PRICKLE1: variants seen among roughly 807,000 people sequenced by gnomAD.
The protein encoded by PRICKLE1 is prickle planar cell polarity protein 1.
Under a neutral mutation model 70.2 loss-of-function variants are expected in PRICKLE1, and 14 were observed. The ratio of observed to expected loss-of-function variants is 0.20; its 90% CI spans 0.13 to 0.31. The LOEUF is 0.31. PRICKLE1 is among the 10% of genes least tolerant of loss of function. The probability of loss-of-function intolerance (pLI) is 1.00; values close to 1 mark genes in which losing one functional copy is unlikely to be tolerated. For synonymous variants in PRICKLE1, 357 were observed against 379.9 expected, an observed-to-expected ratio of 0.94 and a Z score of 0.70; for missense variants, 821 against 1,026.2, an observed-to-expected ratio of 0.80 and a Z score of 2.73.
chr12:42,563,568 TGATGGGCACCTGTAGTCCCAGCTACTCAG>T (rs1480406861), intron 1 of PRICKLE1, among the ~76,000 whole-genome samples: 1 of 150,572 alleles, frequency 6.6e-6, no homozygotes, highest in Non-Finnish European at 1.5e-5. Flanking sequence ...CCAGGCGTGG[TGATGGGCACCTGTAGTCCCAGCTACTCAG>T]GAGGCTGAGG....
At chr12:42,541,224 A>G (rs900684075) in intron 1 of PRICKLE1, among the ~76,000 whole-genome samples, 1 of 152,212 alleles carries the variant, frequency 6.6e-6, no homozygotes, top group Non-Finnish European at 1.5e-5. Context: ...TATATGCATA[A>G]TTTATACTAT....
chr12:42,544,005 G>A (rs543355390), intron 1 of PRICKLE1, among the ~76,000 whole-genome samples: 1 of 152,322 alleles, frequency 6.6e-6, no homozygotes, highest in Admixed American at 6.5e-5. Flanking sequence ...TTAAGTGGAA[G>A]TGGATAATCA....
intron 1 of PRICKLE1, among the ~76,000 whole-genome samples, chr12:42,530,832 G>A (rs2120542265): frequency 6.6e-6 from 1 of 150,824 alleles, no homozygotes; most frequent in East Asian, 2.0e-4. Flanking sequence ...GATTACAGGT[G>A]CCCGGCACCT....
At chr12:42,541,631 C>A (rs957510143) in intron 1 of PRICKLE1, among the ~76,000 whole-genome samples, 3 of 152,170 alleles carry the variant, frequency 2.0e-5, no homozygotes, top group African/African-American at 4.8e-5. Flanking sequence ...AGTCACCATG[C>A]CTGGACCCCC....
intron 1 of PRICKLE1, among the ~76,000 whole-genome samples, chr12:42,567,883 T>A (rs1044961730): frequency 7.3e-5 from 11 of 150,922 alleles, no homozygotes; most frequent in Non-Finnish European, 1.5e-4. Flanking sequence ...CACATGTACA[T>A]ACACACAGAT....
At chr12:42,487,919 G>A (rs1939019433) in intron 1 of PRICKLE1, among the ~76,000 whole-genome samples, 1 of 152,106 alleles carries the variant, frequency 6.6e-6, no homozygotes, top group Non-Finnish European at 1.5e-5. Flanking sequence ...GGTGGCGGGC[G>A]CCTGTAGTCC....
intron 4 of PRICKLE1, 117 bp downstream of exon 4, chr12:42,469,329 TTCTC>T: frequency 8.9e-7 from 1 of 1,127,158 alleles, no homozygotes; most frequent in South Asian, 1.3e-5. Context: ...TAGGCTGTCT[TTCTC>T]TCATTTTCTG....
intron 1 of PRICKLE1, among the ~76,000 whole-genome samples, chr12:42,479,768 C>A (rs1230115909): frequency 1.3e-5 from 2 of 152,020 alleles, no homozygotes; most frequent in South Asian, 4.2e-4. Flanking sequence ...CCAGCCTGAT[C>A]AACATGGTGA....
At chr12:42,505,582 C>A (rs1171293005) in intron 1 of PRICKLE1, among the ~76,000 whole-genome samples, 1 of 151,992 alleles carries the variant, frequency 6.6e-6, no homozygotes, top group Non-Finnish European at 1.5e-5. Flanking sequence ...ACTACAGGCA[C>A]GCACCACCAT....
intron 1 of PRICKLE1, among the ~76,000 whole-genome samples, chr12:42,588,567 T>C (rs4768423): frequency 0.99 from 150,044 of 151,556 alleles, 74,297 homozygotes; most frequent in Middle Eastern, 1. Context: ...TTGTTCATGG[T>C]CTCAGTTCTG....
chr12:42,485,568 C>T (rs1047761850), intron 1 of PRICKLE1: 5 of 152,118 alleles, frequency 3.3e-5, no homozygotes, highest in Admixed American at 2.0e-4. Context: ...GTTTGGGCTT[C>T]CTCAGGGAAG....
rs187082488 is a variant in PRICKLE1 at position 42,514,021 on chromosome 12, A to G, written c.-48-41457T>C. Among the ~76,000 whole-genome samples the G allele has an allele frequency of 2.6e-5, 4 of 152,324 alleles. No individual in the cohort carries two copies. The East Asian group carries it at 7.7e-4, about 29-fold the overall frequency. On this transcript the variant is annotated intron_variant, in intron 1 of 7. Transcript: ENST00000345127. ...TCCAAAAAACAACAACAAAAAAGATATTATACAATAAAACATGGATACAAT... is the reference window on the plus strand; with the variant it reads ...TCCAAAAAACAACAACAAAAAAGATGTTATACAATAAAACATGGATACAAT...
At chr12:42,564,079 AAACCCCGTCTCT>A (rs1419171260) in intron 1 of PRICKLE1, among the ~76,000 whole-genome samples, 21 of 151,712 alleles carry the variant, frequency 1.4e-4, no homozygotes, top group Middle Eastern at 6.8e-3. Context: ...CAACATGGTG[AAACCCCGTCTCT>A]ACTAAAAGTA....
At position 42,589,667 on chromosome 12, in the gene PRICKLE1, G is replaced by A. The variant is rs962636316; in HGVS notation, c.-251C>T. On this transcript the variant is annotated 5_prime_UTR_variant, in exon 1 of 8. Coordinates refer to ENST00000345127, the MANE Select transcript of PRICKLE1 (RefSeq NM_153026.3). The surrounding 1 kb of genome is among the most constrained non-coding windows in gnomAD (Gnocchi z 5.0). The stretch of plus-strand genomic sequence containing the variant: ...GGGGAAGTCAGCGCAGGCTGCGCGA[G>A]GCTGGCATGTTCCGGGCGCGCTGTC... 1 of 152,068 alleles carries A rather than the reference G, an allele frequency of 6.6e-6. No homozygotes were observed. The highest frequency in any genetic ancestry group is 1.5e-5 in the Non-Finnish European group (1 of 68,080). 9.4% of individuals were successfully genotyped at this position (152,068 alleles called of 1,614,324 possible). A position where few individuals can be genotyped will look rare whatever the true frequency, so the allele number is the denominator to read the frequency against.
intron 1 of PRICKLE1, among the ~76,000 whole-genome samples, chr12:42,537,600 AT>A (rs577363405): frequency 5.3e-4 from 80 of 152,352 alleles, no homozygotes; most frequent in Admixed American, 8.5e-4. Context: ...CTTTGATTCA[AT>A]CATTCAACAA....
intron 1 of PRICKLE1, among the ~76,000 whole-genome samples, chr12:42,477,232 TGTG>T (rs1434391740): frequency 6.6e-6 from 1 of 151,170 alleles, no homozygotes; most frequent in Admixed American, 6.6e-5. Context: ...ATTATCCAGG[TGTG>T]GTGGTGCACA....
chr12:42,535,268 TGAA>T (rs1020740375), intron 1 of PRICKLE1, among the ~76,000 whole-genome samples: 14 of 152,304 alleles, frequency 9.2e-5, no homozygotes, highest in Admixed American at 7.8e-4. Flanking sequence ...AAAGACATGC[TGAA>T]GAAGAAGAGA....
chr12:42,495,663 A>G (rs980207411), intron 1 of PRICKLE1, among the ~76,000 whole-genome samples: 2 of 151,268 alleles, frequency 1.3e-5, no homozygotes, highest in Non-Finnish European at 2.9e-5. Context: ...ATCTCAGCTC[A>G]CTGCAACCTC....
chr12:42,545,017 C>T (rs529361077), intron 1 of PRICKLE1, among the ~76,000 whole-genome samples: 2 of 150,014 alleles, frequency 1.3e-5, no homozygotes, highest in Non-Finnish European at 3.0e-5. Context: ...TGAGGTCTTG[C>T]TCTGTCACCC....
Sources: gnomAD v4.1 joint callset for allele counts (sites outside exome capture counted in the v4.1 genomes callset) on GRCh38, gnomAD v4.1.1 for gene constraint, Gnocchi (gnomAD v3.1) non-coding constraint, MANE v1.5 for transcripts, NCBI Gene and HGNC (gene_info 2026-07-23, HGNC 2026-07-21) for gene names.